Variants in CCDC120 observed in about 807,000 individuals in gnomAD.
CCDC120 encodes coiled-coil domain-containing protein 120.
CCDC120 carries 16 observed loss-of-function variants against 37.6 expected under a neutral mutation model. The ratio of observed to expected loss-of-function variants is 0.43; its 90% confidence interval spans 0.29 to 0.65. The LOEUF (loss-of-function observed/expected upper bound fraction) is 0.65. Ranked by LOEUF, CCDC120 falls within the 30% of genes least tolerant of loss-of-function variation. The pLI is 0.18. For synonymous variants in CCDC120, 309 were observed against 275.4 expected, an observed-to-expected ratio of 1.12 and a Z score of -1.21; for missense variants, 650 against 657.4, an observed-to-expected ratio of 0.99 and a Z score of 0.12.
At chrX:49,059,615 GGAA>G (rs1412607040) in intron 1 of CCDC120, among the ~76,000 whole-genome samples, 2 of 112,569 alleles carry the variant, frequency 1.8e-5, no homozygotes, top group African/African-American at 6.5e-5. Context: ...GGCAGGATGT[GGAA>G]ATGACCCCCC....
At chrX:49,056,918 C>T (rs1326243246), upstream of CCDC120, among the ~76,000 whole-genome samples, 4 of 111,977 alleles carry the variant, frequency 3.6e-5, no homozygotes, top group African/African-American at 6.5e-5. Flanking sequence ...CTCACAATAG[C>T]CCCGTGAGGT....
intron 10 of CCDC120, 182 bp from the exon 11 acceptor site, chrX:49,068,362 C>T: frequency 1.9e-6 from 2 of 1,058,897 alleles, no homozygotes; most frequent in Non-Finnish European, 2.4e-6. Flanking sequence ...GAAGGGACAT[C>T]TCATGCCCCT....
upstream of CCDC120, among the ~76,000 whole-genome samples, chrX:49,056,948 C>T (rs1354571731): frequency 8.9e-6 from 1 of 111,749 alleles, no homozygotes; most frequent in East Asian, 2.8e-4. Context: ...TATCATCGTC[C>T]CCAATTGACA....
At chrX:49,060,046 T>A (rs2064866604) in intron 1 of CCDC120, among the ~76,000 whole-genome samples, 1 of 111,809 alleles carries the variant, frequency 8.9e-6, no homozygotes, top group Non-Finnish European at 1.9e-5. Context: ...TCTAACTATG[T>A]CCCCCCGAGG....
rs782608208 is a variant in CCDC120 at position 49,065,453 on chromosome X, G to A, written c.788-1G>A. 1 of 1,188,837 alleles carries A rather than the reference G, an allele frequency of 8.4e-7. No homozygotes were observed. The highest frequency in any genetic ancestry group is 1.1e-6 in the Non-Finnish European group (1 of 885,974). On this transcript the variant is annotated splice_acceptor_variant, in intron 7 of 10. Transcript: ENST00000603986. LOFTEE classifies it high-confidence loss of function. ...TATCCCACTTGCTCTCTTCCACTCA[G>A]AGGAGCCCCATGGCTGCTTCTCTCT... is the stretch of plus-strand genomic sequence containing the variant.
intron 4 of CCDC120, among the ~76,000 whole-genome samples, chrX:49,063,193 C>CAAA (rs781800207): frequency 5.1e-4 from 24 of 47,448 alleles, no homozygotes; most frequent in African/African-American, 1.6e-3. Context: ...GACTCTGTCT[C>CAAA]AAAAAAAAAA....
chrX:49,064,783 G>A (rs781832273), intron 6 of CCDC120, 119 bp downstream of exon 6: 266 of 869,368 alleles, frequency 3.1e-4, no homozygotes, highest in Non-Finnish European at 4.0e-4. Flanking sequence ...GGCCCAACCC[G>A]TGAGAAGAGT....
In CCDC120 at chrX:49,062,150, G is replaced by A. The variant is rs145941508; in HGVS notation, c.63+46G>A. The A allele has an allele frequency of 7.2e-4, 839 of 1,164,176 alleles. 3 individuals are homozygous for A. In the African/African-American group the frequency reaches 0.014, roughly 19 times the overall value. ...GGGCCCAGGTTACCCCTTATTCCCC[G>A]CTGTGGCATGGGAAGCTGGGAAGGG... On this transcript the variant is annotated intron_variant, in intron 2 of 10. Transcript: ENST00000603986.
chrX:49,064,761 C>G, intron 6 of CCDC120, 97 bp downstream of exon 6: 5 of 1,000,971 alleles, frequency 5.0e-6, no homozygotes, highest in Non-Finnish European at 6.7e-6. Context: ...GGGAGGTAGG[C>G]ACAACTCAAG....
chrX:49,060,226 A>G (rs2064868692), intron 1 of CCDC120, among the ~76,000 whole-genome samples: 1 of 110,249 alleles, frequency 9.1e-6, no homozygotes. Context: ...GGAGTTCGAG[A>G]CCAGCCTGGC....
chrX:49,068,514 TC>T (rs782236028), intron 10 of CCDC120, 29 bp from the exon 11 acceptor site: 1 of 1,077,804 alleles, frequency 9.3e-7, no homozygotes, highest in East Asian at 3.6e-5. Flanking sequence ...CCCCGCCCTG[TC>T]CTCCGGATTC....
At chrX:49,068,121 G>A (rs1557082186) in intron 10 of CCDC120, 31 bp downstream of exon 10, 2 of 1,151,241 alleles carry the variant, frequency 1.7e-6, no homozygotes, top group Non-Finnish European at 2.3e-6. Flanking sequence ...GATGGGTAGG[G>A]GTCTCGTAAG....
In CCDC120 at chrX:49,067,850, C is replaced by T. The variant is rs782176918; in HGVS notation, c.1736C>T (p.Ser579Leu). ...ATGCCCCCACCCACCCGTATCCCCT[C>T]GGCTGGTGAACGCAGTGGCCACAAG... ...LWMPPPTRIP[S>L]AGERSGHKNL... Residue 579 changes from serine to leucine, a missense_variant, in exon 10 of 11, where the codon TCG (serine) becomes TTG (leucine). By Grantham distance (145) the Ser-to-Leu change is moderately radical. Transcript: ENST00000603986. 21 of 1,174,338 alleles carry T rather than the reference C, an allele frequency of 1.8e-5. No homozygotes were observed. In the Admixed American group the frequency reaches 2.5e-4, roughly 14 times the overall value.
Position 49,068,977 on chromosome X carries a change from G to A in CCDC120, c.*319G>A. 1 of 177,187 alleles carries A rather than the reference G, an allele frequency of 5.6e-6. No individual in the cohort carries two copies. Among genetic ancestry groups the A allele is most frequent in the Non-Finnish European group, 1.1e-5 (1 of 94,227 alleles). 14.6% of individuals were successfully genotyped at this position (177,187 alleles called of 1,213,427 possible). On this transcript the variant is annotated 3_prime_UTR_variant, in exon 11 of 11. Coordinates refer to ENST00000603986, the MANE Select transcript of CCDC120 (RefSeq NM_001163321.4). ...TCACTGTCTTCCTCCAACACTAGGCGTTTTACAAAAGGGAAACTGTGATCT... is the reference window on the plus strand; with the variant it reads ...TCACTGTCTTCCTCCAACACTAGGCATTTTACAAAAGGGAAACTGTGATCT...
chrX:49,068,559 C>A lies in CCDC120; in HGVS notation c.1992C>A (p.Phe664Leu). Residue 664 changes from phenylalanine (F) to leucine (L), a missense_variant, in exon 11 of 11, where the codon TTC becomes TTA. Phe to Leu is a conservative substitution (Grantham distance 22). This residue lies in a region of CCDC120 where 576 missense variants were observed against 565.3 expected (regional missense o/e 1.02). Transcript: ENST00000603986. Reference protein sequence around the residue: ...PPVSGRYYADFLYPPELSARL... With the variant: ...PPVSGRYYADLLYPPELSARL... Reference sequence around the variant, plus strand: ...CCTTCTAAAGATACTACGCGGACTTCCTGTATCCCCCGGAGCTGAGCGCTC... The same window carrying A: ...CCTTCTAAAGATACTACGCGGACTTACTGTATCCCCCGGAGCTGAGCGCTC... 8.7e-7 allele frequency: 1 copy of A among 1,147,266 alleles called. No individual in the cohort carries two copies. Among genetic ancestry groups the A allele is most frequent in the South Asian group, 2.0e-5 (1 of 49,342 alleles). The allele number at this position is 1,147,266 out of a possible 1,213,427, so 94.5% of individuals were successfully genotyped here.
exon 1 of CCDC120, chrX:49,053,708 T>G (rs1191302282): frequency 8.9e-6 from 1 of 112,800 alleles, no homozygotes; most frequent in Non-Finnish European, 1.9e-5. Context: ...GACCCCCGTC[T>G]GGCCCCCACG....
Position 49,065,563 on chromosome X carries a change from A to G in CCDC120, c.897A>G (p.Lys299=). 1 of 1,210,734 alleles carries G rather than the reference A, an allele frequency of 8.3e-7. No individual in the cohort carries two copies. The highest frequency in any genetic ancestry group is 1.1e-6 in the Non-Finnish European group (1 of 895,123). The part of the protein sequence containing the change: ...GGSPERRTPW[K]PPPSDLYGDL... ...GCCCTGAGCGGCGAACCCCATGGAAACCACCTCCATCAGATCTTTATGGGG... is the reference window on the plus strand; with the variant it reads ...GCCCTGAGCGGCGAACCCCATGGAAGCCACCTCCATCAGATCTTTATGGGG... Residue 299 remains lysine, a synonymous_variant, in exon 8 of 11, where the codon AAA becomes AAG. Coordinates refer to ENST00000603986, the MANE Select transcript of CCDC120 (RefSeq NM_001163321.4).
chrX:49,069,109 G>C lies in CCDC120; in HGVS notation c.*451G>C, dbSNP rs1220379875. 1 of 91,175 alleles carries C rather than the reference G, an allele frequency of 1.1e-5. No individual in the cohort carries two copies. Among genetic ancestry groups the C allele is most frequent in the African/African-American group, 3.8e-5 (1 of 26,350 alleles). 7.5% of individuals were successfully genotyped at this position (91,175 alleles called of 1,213,427 possible). On this transcript the variant is annotated 3_prime_UTR_variant, in exon 11 of 11. Coordinates refer to ENST00000603986, the MANE Select transcript of CCDC120 (RefSeq NM_001163321.4). ...TCTCAGGGCCATTTAGGGCAGCCAG[G>C]AGACTCCGGTGTGAACAGAAATCCC...
intron 1 of CCDC120, 175 bp from the exon 2 acceptor site, chrX:49,061,783 AT>A (rs782463663): frequency 5.3e-5 from 25 of 473,462 alleles, no homozygotes; most frequent in Non-Finnish European, 7.8e-5. Context: ...TGGGCCAGTT[AT>A]TTCACCTCTG....
Sources: allele counts gnomAD v4.1 joint callset (sites outside exome capture counted in the v4.1 genomes callset), GRCh38; gene constraint gnomAD v4.1.1; regional missense constraint gnomAD v4.1.1; transcripts MANE v1.5; gene names NCBI Gene and HGNC (gene_info 2026-07-23, HGNC 2026-07-21).